Variants in SV2B observed in about 807,000 individuals in gnomAD.
SV2B encodes synaptic vesicle glycoprotein 2B, also known as solute carrier family 22 member B2.
Under a neutral mutation model 73.9 loss-of-function variants are expected in SV2B, and 41 were observed. That is an observed-to-expected ratio of 0.56 (90% CI 0.43 to 0.72). SV2B has a LOEUF of 0.72. Among genes scored for constraint, SV2B ranks in the 30% least tolerant of loss-of-function variants. The pLI, the probability that SV2B is intolerant of heterozygous loss-of-function variation, is 0.00. For synonymous variants in SV2B, 314 were observed against 314.2 expected (o/e 1.00, Z 0.01); for missense variants, 764 against 857.8 (o/e 0.89, Z 1.37).
rs971401688 is a variant in SV2B, at chr15:91,118,523, A to T, written c.-392+18160A>T. On this transcript the variant is annotated intron_variant, in intron 1 of 12. Transcript: ENST00000394232. The surrounding 1 kb of genome is among the most constrained non-coding windows in gnomAD (Gnocchi z 4.7). ...GCCTGATGTGTAGGGGAGGAGCAGG[A>T]GCCCCAGGGCTGTCCAGGCTCAATC... Among the ~76,000 whole-genome samples the T allele has an allele frequency of 6.6e-6, 1 of 152,176 alleles. No homozygotes were observed. The highest frequency in any genetic ancestry group is 1.5e-5 in the Non-Finnish European group (1 of 68,030).
chr15:91,290,916 A>AGG lies in SV2B; in HGVS notation c.1868+1240_1868+1241dup, dbSNP rs1192811586. ...GTAGTCCTAGCTGCTCAGGAGGCTG[A>AGG]GGGGGAGAGCTGCGAGAGCCCCGGG... On this transcript the variant is annotated intron_variant, in intron 12 of 12. Transcript: ENST00000394232. The surrounding 1 kb of genome is among the most constrained non-coding windows in gnomAD (Gnocchi z 4.7). Among the ~76,000 whole-genome samples, 1 of 151,996 alleles carries AGG rather than the reference A, an allele frequency of 6.6e-6. No homozygotes were observed. Among genetic ancestry groups the AGG allele is most frequent in the African/African-American group, 2.4e-5 (1 of 41,370 alleles).
intron 12 of SV2B, among the ~76,000 whole-genome samples, chr15:91,292,097 GA>G (rs60989668): frequency 0.21 from 31,264 of 145,950 alleles, 6,129 homozygotes; most frequent in African/African-American, 0.53. Context: ...AGATATCTTT[GA>G]AAAAAAAACA....
intron 1 of SV2B, among the ~76,000 whole-genome samples, chr15:91,146,241 C>A (rs538896971): frequency 6.6e-6 from 1 of 152,086 alleles, no homozygotes; most frequent in South Asian, 2.1e-4. Context: ...GAATCCATTC[C>A]GCATTGCTTG....
intron 10 of SV2B, among the ~76,000 whole-genome samples, chr15:91,282,504 G>T (rs959939629): frequency 6.6e-6 from 1 of 152,002 alleles, no homozygotes; most frequent in Non-Finnish European, 1.5e-5. Flanking sequence ...CTTCATTAGG[G>T]GGCTTTACCT....
At chr15:91,144,524 C>T (rs907546660) in intron 1 of SV2B, among the ~76,000 whole-genome samples, 3 of 151,998 alleles carry the variant, frequency 2.0e-5, no homozygotes, top group South Asian at 2.1e-4. Flanking sequence ...TTTTTCCTTC[C>T]TCCTGCTATA....
At chr15:91,237,590 G>A (rs1193362730) in intron 2 of SV2B, among the ~76,000 whole-genome samples, 2 of 152,164 alleles carry the variant, frequency 1.3e-5, no homozygotes, top group East Asian at 1.9e-4. Context: ...GCTCCATAGT[G>A]ACACTATTGT....
At chr15:91,183,379 G>C (rs1256984437) in intron 1 of SV2B, among the ~76,000 whole-genome samples, 2 of 152,196 alleles carry the variant, frequency 1.3e-5, no homozygotes, top group Non-Finnish European at 2.9e-5. Flanking sequence ...CAATTGACCA[G>C]AAAATATTTT....
chr15:91,187,186 A>G (rs2044805239), intron 1 of SV2B, among the ~76,000 whole-genome samples: 1 of 152,238 alleles, frequency 6.6e-6, no homozygotes, highest in Non-Finnish European at 1.5e-5. Flanking sequence ...ATTTTGTGAC[A>G]TATTGTTGGA....
Position 91,224,137 on chromosome 15 carries a change from G to A in SV2B, c.-391-1736G>A, listed in dbSNP as rs1160716106. ...GGCCAGGAAGCAGGTGTGGGGCAGA[G>A]GGCCCAGGGATGGGCTGTGGGCAGA... On this transcript the variant is annotated intron_variant, in intron 1 of 12. Transcript: ENST00000394232. The surrounding 1 kb of genome is among the most constrained non-coding windows in gnomAD (Gnocchi z 4.9). Among the ~76,000 whole-genome samples the A allele has an allele frequency of 6.6e-6, 1 of 152,224 alleles. No homozygotes were observed. Among genetic ancestry groups the A allele is most frequent in the Non-Finnish European group, 1.5e-5 (1 of 68,028 alleles).
In SV2B at chr15:91,130,399, T is replaced by C. The variant is rs141532990; in HGVS notation, c.-392+30036T>C. On this transcript the variant is annotated intron_variant, in intron 1 of 12. Coordinates refer to ENST00000394232, the MANE Select transcript of SV2B (RefSeq NM_001323032.3). The surrounding 1 kb of genome is among the most constrained non-coding windows in gnomAD (Gnocchi z 5.6). ...GGGCTGAAGCATCATGTGGCAGAAG[T>C]GGCTGAAATCATCCAGGGAGACAGA... 8.2e-3 allele frequency among the ~76,000 whole-genome samples: 1,242 copies of C among 152,242 alleles called. 16 individuals carry two copies. Among genetic ancestry groups the C allele is most frequent in the African/African-American group, 0.028 (1,175 of 41,526 alleles).
chr15:91,152,052 A>T, intron 1 of SV2B, among the ~76,000 whole-genome samples: 1 of 147,124 alleles, frequency 6.8e-6, no homozygotes, highest in East Asian at 2.0e-4. Flanking sequence ...TATTTTGTCA[A>T]TCTGAGTTAA....
chr15:91,242,085 C>T lies in SV2B; in HGVS notation c.452-9734C>T, dbSNP rs888981028. ...TCAGCTCTCATCCTCAGCTTATTCA[C>T]CTGTTCACAGCAACTCTAACGGTTA... On this transcript the variant is annotated intron_variant, in intron 2 of 12. Coordinates refer to ENST00000394232, the MANE Select transcript of SV2B (RefSeq NM_001323032.3). This position sits in a 1 kb window ranked among gnomAD's most constrained non-coding sequence, Gnocchi z 4.9. Among the ~76,000 whole-genome samples, 5 of 152,342 alleles carry T rather than the reference C, an allele frequency of 3.3e-5. No individual in the cohort carries two copies. Among genetic ancestry groups the T allele is most frequent in the African/African-American group, 1.2e-4 (5 of 41,582 alleles).
At chr15:91,248,194 G>A (rs554486164) in intron 2 of SV2B, among the ~76,000 whole-genome samples, 1 of 152,212 alleles carries the variant, frequency 6.6e-6, no homozygotes, top group South Asian at 2.1e-4. Context: ...GGTGGTGGGC[G>A]CCTGTAGTCC....
chr15:91,120,554 C>G (rs113337924), intron 1 of SV2B, among the ~76,000 whole-genome samples: 6 of 152,046 alleles, frequency 3.9e-5, no homozygotes, highest in Non-Finnish European at 7.4e-5. Context: ...GCTCACATGC[C>G]TGTAATCTCA....
intron 1 of SV2B, among the ~76,000 whole-genome samples, chr15:91,159,649 A>G (rs1023438774): frequency 6.6e-6 from 1 of 152,230 alleles, no homozygotes; most frequent in African/African-American, 2.4e-5. Flanking sequence ...TGAATAAGGT[A>G]TGAATACTTG....
chr15:91,107,888 G>A (rs1266283776), intron 1 of SV2B, among the ~76,000 whole-genome samples: 1 of 152,154 alleles, frequency 6.6e-6, no homozygotes, highest in Non-Finnish European at 1.5e-5. Flanking sequence ...GGGATTATAG[G>A]TGTGAGTCAC....
At chr15:91,155,741 CTAAA>C (rs1244045173) in intron 1 of SV2B, among the ~76,000 whole-genome samples, 1 of 152,094 alleles carries the variant, frequency 6.6e-6, no homozygotes, top group Non-Finnish European at 1.5e-5. Context: ...TGCATTTTAT[CTAAA>C]GAGGAAGCTT....
rs553055680 is a variant in SV2B at position 91,234,065 on chromosome 15, C to T, written c.451+7351C>T. ...TTGCAGCTTGTAGGGCTGGAAAAAA[C>T]TCTACTATTTGTTTCATTGGTTGGC... On this transcript the variant is annotated intron_variant, in intron 2 of 12. Transcript: ENST00000394232. This position sits in a 1 kb window ranked among gnomAD's most constrained non-coding sequence, Gnocchi z 5.6. Among the ~76,000 whole-genome samples the T allele has an allele frequency of 3.9e-5, 6 of 152,332 alleles. No individual in the cohort carries two copies. In the East Asian group the frequency reaches 1.2e-3, roughly 29 times the overall value.
Position 91,229,056 on chromosome 15 carries a change from G to A in SV2B, c.451+2342G>A, listed in dbSNP as rs756184105. Among the ~76,000 whole-genome samples, 5 of 152,206 alleles carry A rather than the reference G, an allele frequency of 3.3e-5. No individual in the cohort carries two copies. Among genetic ancestry groups the A allele is most frequent in the Non-Finnish European group, 7.3e-5 (5 of 68,042 alleles). ...TGACTTCAAAGTCTATGCCCATTCT[G>A]CCACACCATACTGCCTTTCTCTCAC... On this transcript the variant is annotated intron_variant, in intron 2 of 12. Coordinates refer to ENST00000394232, the MANE Select transcript of SV2B (RefSeq NM_001323032.3). This position sits in a 1 kb window ranked among gnomAD's most constrained non-coding sequence, Gnocchi z 4.3.
Sources: gnomAD v4.1 joint callset for allele counts (sites outside exome capture counted in the v4.1 genomes callset) on GRCh38, gnomAD v4.1.1 for gene constraint, Gnocchi (gnomAD v3.1) non-coding constraint, MANE v1.5 for transcripts, NCBI Gene and HGNC (gene_info 2026-07-23, HGNC 2026-07-21) for gene names.